NUP98: variants seen among roughly 807,000 people sequenced by gnomAD.
The protein encoded by NUP98 is nuclear pore complex protein Nup98-Nup96.
In NUP98, 26 loss-of-function variants were observed where a neutral mutation model predicts 191.9. The observed-to-expected ratio is 0.14, with a 90% CI of 0.10 to 0.19. The LOEUF (loss-of-function observed/expected upper bound fraction) is 0.19. NUP98 is among the 10% of genes least tolerant of loss of function. The pLI, the probability that NUP98 is intolerant of heterozygous loss-of-function variation, is 1.00. For synonymous variants in NUP98, 808 were observed against 778.4 expected, an observed-to-expected ratio of 1.04 and a Z score of -0.63; for missense variants, 1,941 against 2,178.8, an observed-to-expected ratio of 0.89 and a Z score of 2.17.
intron 11 of NUP98, among the ~76,000 whole-genome samples, chr11:3,749,333 T>C (rs1313941171): frequency 7.4e-6 from 1 of 134,630 alleles, no homozygotes; most frequent in South Asian, 2.3e-4. Flanking sequence ...AATAAATAAA[T>C]AAATTAAGAG....
intron 26 of NUP98, among the ~76,000 whole-genome samples, chr11:3,693,584 A>G (rs1250633514): frequency 6.6e-6 from 1 of 152,188 alleles, no homozygotes; most frequent in East Asian, 1.9e-4. Context: ...ATTGATACAG[A>G]GTTGCACTGT....
At chr11:3,708,669 T>C (rs907722559) in intron 20 of NUP98, among the ~76,000 whole-genome samples, 1 of 149,410 alleles carries the variant, frequency 6.7e-6, no homozygotes, top group African/African-American at 2.5e-5. Context: ...TTTTCCTGGA[T>C]ATCTTGGCAG....
intron 25 of NUP98, chr11:3,696,906 G>A (rs886357097): frequency 6.6e-6 from 1 of 152,130 alleles, no homozygotes; most frequent in African/African-American, 2.4e-5. Context: ...TTTACCAGAG[G>A]TTTAGCCTTA....
In NUP98 at chr11:3,753,209, G is replaced by C. The variant is rs1028764727; in HGVS notation, c.1267+107C>G. 1.2e-5 allele frequency: 11 copies of C among 951,370 alleles called. No individual in the cohort carries two copies. The Admixed American group carries it at 2.6e-4, about 22-fold the overall frequency. 58.9% of individuals were successfully genotyped at this position (951,370 alleles called of 1,614,324 possible). A position where few individuals can be genotyped will look rare whatever the true frequency, so the allele number is the denominator to read the frequency against. Reference sequence around the variant, plus strand: ...ATAAACGCAACTGGAAAAACGAAAAGGTAGACTTCTTAATTCCAGTAACAT... The same window carrying C: ...ATAAACGCAACTGGAAAAACGAAAACGTAGACTTCTTAATTCCAGTAACAT... On this transcript the variant is annotated intron_variant, in intron 11 of 32. Coordinates refer to ENST00000324932, the MANE Select transcript of NUP98 (RefSeq NM_016320.5).
chr11:3,709,276 C>G (rs570491964), intron 20 of NUP98, among the ~76,000 whole-genome samples: 1 of 152,250 alleles, frequency 6.6e-6, no homozygotes, highest in South Asian at 2.1e-4. Flanking sequence ...GACGTGGTGG[C>G]TTATACCTGT....
chr11:3,792,191 A>C (rs1344145079), intron 1 of NUP98, among the ~76,000 whole-genome samples: 4 of 150,206 alleles, frequency 2.7e-5, no homozygotes, highest in East Asian at 3.9e-4. Flanking sequence ...AAAAAAAAAA[A>C]AAAAAAAAAA....
intron 8 of NUP98, among the ~76,000 whole-genome samples, chr11:3,767,419 C>G (rs982792162): frequency 2.0e-5 from 3 of 151,816 alleles, no homozygotes; most frequent in Admixed American, 2.0e-4. Flanking sequence ...CCTCTGCCTC[C>G]CCCTGGGTTC....
chr11:3,690,902 T>C (rs927210158), intron 28 of NUP98, among the ~76,000 whole-genome samples: 18 of 152,238 alleles, frequency 1.2e-4, no homozygotes, highest in Admixed American at 9.8e-4. Flanking sequence ...TCACAATTAT[T>C]ATGCAGAATC....
chr11:3,788,040 C>T (rs1027297418), intron 1 of NUP98, among the ~76,000 whole-genome samples: 1 of 152,048 alleles, frequency 6.6e-6, no homozygotes, highest in East Asian at 1.9e-4. Flanking sequence ...ACCCCGATTA[C>T]GTAAACTAGT....
At chr11:3,689,076 A>C (rs953099209) in intron 28 of NUP98, among the ~76,000 whole-genome samples, 10 of 151,668 alleles carry the variant, frequency 6.6e-5, no homozygotes, top group Non-Finnish European at 1.0e-4. Context: ...TACAAAAAAT[A>C]CAAGAATTAG....
At chr11:3,731,182 T>G (rs2079833320) in intron 14 of NUP98, among the ~76,000 whole-genome samples, 1 of 152,136 alleles carries the variant, frequency 6.6e-6, no homozygotes, top group African/African-American at 2.4e-5. Flanking sequence ...GAGAATCGTT[T>G]GAACCTGGGA....
intron 9 of NUP98, among the ~76,000 whole-genome samples, chr11:3,762,626 C>G (rs1171912758): frequency 6.6e-6 from 1 of 152,106 alleles, no homozygotes; most frequent in African/African-American, 2.4e-5. Flanking sequence ...TTAGACTCAA[C>G]AATTTAACCA....
chr11:3,709,006 C>G (rs1322831362), intron 20 of NUP98, among the ~76,000 whole-genome samples: 1 of 152,146 alleles, frequency 6.6e-6, no homozygotes. Flanking sequence ...CCTTCAATGA[C>G]TTGAGATCTC....
chr11:3,754,124 G>C (rs1455484484), intron 10 of NUP98, among the ~76,000 whole-genome samples: 2 of 151,854 alleles, frequency 1.3e-5, no homozygotes, highest in Non-Finnish European at 2.9e-5. Context: ...CCCCTAACTT[G>C]TACTAAAAAA....
chr11:3,765,027 T>C (rs2081291871), intron 8 of NUP98, among the ~76,000 whole-genome samples: 2 of 152,216 alleles, frequency 1.3e-5, no homozygotes, highest in African/African-American at 2.4e-5. Context: ...ATTCAAATCC[T>C]TGGCCCTTTT....
Position 3,695,557 on chromosome 11 carries a change from T to C in NUP98, c.4059A>G (p.Ser1353=), listed in dbSNP as rs779287092. The change falls in exon 26 of 33, where the codon TCA becomes TCG. Residue 1353 remains serine (S), a synonymous_variant. Coordinates refer to ENST00000324932, the MANE Select transcript of NUP98 (RefSeq NM_016320.5). The part of the protein sequence containing the change: ...LLLSQFVGSQ[S]VRELLTMQLV... ...ACTGCATGGTGAGCAGCTCCCGGACTGACTGGCTACCCACAAACTGAGATA... is the reference window on the plus strand; with the variant it reads ...ACTGCATGGTGAGCAGCTCCCGGACCGACTGGCTACCCACAAACTGAGATA... 6.2e-6 allele frequency: 10 copies of C among 1,604,472 alleles called. No individual in the cohort carries two copies. Among genetic ancestry groups the C allele is most frequent in the Non-Finnish European group, 7.7e-6 (9 of 1,175,388 alleles).
At position 3,735,217 on chromosome 11, in the gene NUP98, T is replaced by C; in HGVS notation, c.1516A>G (p.Met506Val). The C allele has an allele frequency of 1.3e-6, 2 of 1,598,050 alleles. No homozygotes were observed. The highest frequency in any genetic ancestry group is 2.3e-5 in the South Asian group (2 of 88,562). The change falls in exon 13 of 33, where the codon ATG (methionine) becomes GTG (valine). Residue 506 changes from methionine to valine, a missense_variant. Transcript: ENST00000324932. ...TCTTCCTTCTTCTTAGGGTCTGACA[T>C]CGGATTCCGGAAGAGAGGAGAGTCT... is the stretch of plus-strand genomic sequence containing the variant. The part of the protein sequence containing the change: ...FGDSPLFRNP[M>V]SDPKKKEERL...
At chr11:3,677,410 GTT>G (rs372075323) in intron 31 of NUP98, among the ~76,000 whole-genome samples, 1,720 of 130,752 alleles carry the variant, frequency 0.013, 41 homozygotes, top group African/African-American at 0.045. Context: ...TGTAACATAG[GTT>G]TTTTTTTTTT....
At chr11:3,738,095 A>AC (rs2080140620) in intron 12 of NUP98, among the ~76,000 whole-genome samples, 3 of 150,384 alleles carry the variant, frequency 2.0e-5, no homozygotes, top group Non-Finnish European at 4.5e-5. Context: ...CTCAAAAAAA[A>AC]AAAAAAAAAA....
Sources: allele counts gnomAD v4.1 joint callset (sites outside exome capture counted in the v4.1 genomes callset), GRCh38; gene constraint gnomAD v4.1.1; transcripts MANE v1.5; gene names NCBI Gene and HGNC (gene_info 2026-07-23, HGNC 2026-07-21).